Variants in NEB observed in about 807,000 individuals in gnomAD.
The protein encoded by NEB is nemaline myopathy type 2.
NEB carries 512 observed loss-of-function variants against 952.2 expected under a neutral mutation model. The ratio of observed to expected loss-of-function variants is 0.54; its 90% CI spans 0.50 to 0.58. NEB has a LOEUF of 0.58. NEB is among the 20% of genes least tolerant of loss of function. NEB has a pLI of 0.00. For synonymous variants in NEB, 2,900 were observed against 3,149.8 expected, an observed-to-expected ratio of 0.92 and a Z score of 2.66; for missense variants, 8,428 against 9,231.1, an observed-to-expected ratio of 0.91 and a Z score of 3.56.
Position 151,568,433 on chromosome 2 carries a change from T to TGA in NEB, c.17635-18_17635-17dup. On this transcript the variant is annotated splice_polypyrimidine_tract_variant and intron_variant, in intron 111 of 181. Coordinates refer to ENST00000397345, the MANE Select transcript of NEB (RefSeq NM_001164508.2). ...GGTATTTAATCTAAAAAAAAAAAAA[T>TGA]GAGAGGCAAGGGGGCAAGTTACTTG... 8.9e-7 allele frequency: 1 copy of TGA among 1,125,416 alleles called. No individual in the cohort carries two copies. The highest frequency in any genetic ancestry group is 1.3e-6 in the Non-Finnish European group (1 of 753,008). 69.7% of individuals were successfully genotyped at this position (1,125,416 alleles called of 1,614,324 possible).
In NEB at chr2:151,609,852, T is replaced by C; in HGVS notation, c.12287A>G (p.Asn4096Ser). The change falls in exon 81 of 182, where the codon AAC (asparagine) becomes AGC (serine). Residue 4096 changes from asparagine (N) to serine (S), a missense_variant. Coordinates refer to ENST00000397345, the MANE Select transcript of NEB (RefSeq NM_001164508.2). ...LHEWTCMPDQ[N>S]DIIQAKKAYD... Reference sequence around the variant, plus strand: ...GGCCTTTTTTGCTTGGATAATGTCGTTTTGATCCGGCATGCATGTCCATTC... The same window carrying C: ...GGCCTTTTTTGCTTGGATAATGTCGCTTTGATCCGGCATGCATGTCCATTC... The C allele has an allele frequency of 6.2e-7, 1 of 1,607,086 alleles. No individual in the cohort carries two copies. The highest frequency in any genetic ancestry group is 8.5e-7 in the Non-Finnish European group (1 of 1,175,026).
Position 151,541,440 on chromosome 2 carries a change from A to G in NEB, c.20682+7T>C. Reference sequence around the variant, plus strand: ...TGAGTGGCAGGCTTATGAACCTCTGAGCTTACCTGACTCTGAAGCTTCTGC... The same window carrying G: ...TGAGTGGCAGGCTTATGAACCTCTGGGCTTACCTGACTCTGAAGCTTCTGC... On this transcript the variant is annotated splice_region_variant and intron_variant, in intron 136 of 181. Coordinates refer to ENST00000397345, the MANE Select transcript of NEB (RefSeq NM_001164508.2). The G allele has an allele frequency of 6.2e-7, 1 of 1,607,562 alleles. No homozygotes were observed. The highest frequency in any genetic ancestry group is 1.1e-5 in the South Asian group (1 of 90,134).
chr2:151,665,195 G>A, intron 42 of NEB, 138 bp downstream of exon 42: 1 of 752,804 alleles, frequency 1.3e-6, no homozygotes, highest in Non-Finnish European at 2.2e-6. Context: ...CATAATGGAA[G>A]CAATAGAGTC....
chr2:151,578,423 G>C (rs1397219807), intron 105 of NEB, among the ~76,000 whole-genome samples: 2 of 151,526 alleles, frequency 1.3e-5, no homozygotes, highest in Non-Finnish European at 2.9e-5. Context: ...ACTTTGGGAG[G>C]CCAAGGCAGG....
Position 151,563,633 on chromosome 2 carries a change from AC to A in NEB, c.18665del (p.Cys6222PhefsTer7). 6.2e-7 allele frequency: 1 copy of A among 1,613,828 alleles called. No homozygotes were observed. Among genetic ancestry groups the A allele is most frequent in the Non-Finnish European group, 8.5e-7 (1 of 1,179,762 alleles). ...VIGEFPGVVH[C>X]LDFQKMRSAL... ...CACTCCTCATCTTTTGGAAATCCAG[AC>A]AGTGAACCACACCAGGGAATTCACC... On this transcript the variant is annotated frameshift_variant, in exon 119 of 182. Coordinates refer to ENST00000397345, the MANE Select transcript of NEB (RefSeq NM_001164508.2). LOFTEE classifies it high-confidence loss of function.
chr2:151,729,643 T>C lies in NEB; in HGVS notation c.50A>G (p.Glu17Gly). The C allele has an allele frequency of 6.2e-7, 1 of 1,613,354 alleles. No individual in the cohort carries two copies. The highest frequency in any genetic ancestry group is 2.2e-5 in the East Asian group (1 of 44,866). ...YEEVVEYYTE[E>G]VVYEEVPGET... The stretch of plus-strand genomic sequence containing the variant: ...TCCCGGCACCTCTTCGTAAACCACT[T>C]CTTCTGTGTAGTACTGTAAATAGAG... Residue 17 changes from glutamate to glycine, a missense_variant, in exon 4 of 182, where the codon GAA (glutamate) becomes GGA (glycine). Coordinates refer to ENST00000397345, the MANE Select transcript of NEB (RefSeq NM_001164508.2).
Position 151,524,309 on chromosome 2 carries a change from AC to A in NEB, c.22479+1del, listed in dbSNP as rs1488066635. On this transcript the variant is annotated splice_donor_variant, in intron 153 of 181. Coordinates refer to ENST00000397345, the MANE Select transcript of NEB (RefSeq NM_001164508.2). LOFTEE classifies it high-confidence loss of function. ...AGCCACCAGTGCACCCATCTGCATT[AC>A]CTGGCTGCTCAGCTTGGCTGCCTTC... 6.2e-7 allele frequency: 1 copy of A among 1,612,902 alleles called. No individual in the cohort carries two copies. The highest frequency in any genetic ancestry group is 1.7e-5 in the Admixed American group (1 of 59,992).
chr2:151,485,814 C>T lies in NEB; in HGVS notation c.25524G>A (p.Val8508=), dbSNP rs1574250751. Residue 8508 remains valine, a synonymous_variant, in exon 182 of 182, where the codon GTG becomes GTA. Coordinates refer to ENST00000397345, the MANE Select transcript of NEB (RefSeq NM_001164508.2). ...AIDEGWMYGT[V]QRTGRTGMLP... ...GCATTCCGGTCCTGCCAGTCCTCTGCACAGTGCCATACATCCAGCCTTCAT... is the reference window on the plus strand; with the variant it reads ...GCATTCCGGTCCTGCCAGTCCTCTGTACAGTGCCATACATCCAGCCTTCAT... The T allele has an allele frequency of 6.2e-7, 1 of 1,613,968 alleles. No homozygotes were observed. Among genetic ancestry groups the T allele is most frequent in the Admixed American group, 1.7e-5 (1 of 60,002 alleles).
At position 151,546,437 on chromosome 2, in the gene NEB, A is replaced by G; in HGVS notation, c.20374T>C (p.Tyr6792His). The G allele has an allele frequency of 6.2e-7, 1 of 1,608,968 alleles. No individual in the cohort carries two copies. Among genetic ancestry groups the G allele is most frequent in the Non-Finnish European group, 8.5e-7 (1 of 1,175,452 alleles). Residue 6792 changes from tyrosine (Y) to histidine (H), a missense_variant, in exon 134 of 182, where the codon TAC (tyrosine) becomes CAC (histidine). Tyr to His is a moderately conservative substitution (Grantham distance 83). This residue lies in a region of NEB where 3,374 missense variants were observed against 3,651.5 expected (regional missense o/e 0.92). Transcript: ENST00000397345. ...TTCAGGACCTGCAAGTCCTCTTTGT[A>G]TTTAATCTGAGAGGCAAACACAGAA... ...YVGDITSDIK[Y>H]KEDLQVLKGF...
intron 54 of NEB, among the ~76,000 whole-genome samples, chr2:151,648,888 G>C (rs2098996446): frequency 1.3e-5 from 2 of 152,202 alleles, no homozygotes; most frequent in South Asian, 2.1e-4. Context: ...TTCAGAAGGA[G>C]AGACTGCAAG....
intron 107 of NEB, among the ~76,000 whole-genome samples, chr2:151,573,015 G>A (rs2096697887): frequency 2.0e-5 from 3 of 152,104 alleles, no homozygotes; most frequent in African/African-American, 7.2e-5. Context: ...TCAATGTAGT[G>A]AGCATGAAGA....
intron 4 of NEB, among the ~76,000 whole-genome samples, chr2:151,728,678 G>T (rs1393753225): frequency 6.6e-6 from 1 of 151,972 alleles, no homozygotes; most frequent in Non-Finnish European, 1.5e-5. Flanking sequence ...CTAATCCAAG[G>T]TTAAAAATAA....
At position 151,485,755 on chromosome 2, in the gene NEB, A is replaced by C; in HGVS notation, c.*5T>G. ...CCTGCAGACAAGTGTGATGCTTTGA[A>C]ATGCCTAAATAGCTTCAACGTAGTT... On this transcript the variant is annotated 3_prime_UTR_variant, in exon 182 of 182. Coordinates refer to ENST00000397345, the MANE Select transcript of NEB (RefSeq NM_001164508.2). 6.2e-7 allele frequency: 1 copy of C among 1,600,656 alleles called. No homozygotes were observed. The highest frequency in any genetic ancestry group is 8.5e-7 in the Non-Finnish European group (1 of 1,170,144).
At chr2:151,540,517 A>T (rs1019317238) in intron 137 of NEB, 69 bp from the exon 138 acceptor site, 2 of 1,281,604 alleles carry the variant, frequency 1.6e-6, no homozygotes, top group Non-Finnish European at 2.2e-6. Context: ...AGCCACCTAC[A>T]GGTCTTGTGG....
At chr2:151,659,932 A>C (rs1447812042) in intron 46 of NEB, among the ~76,000 whole-genome samples, 4 of 152,174 alleles carry the variant, frequency 2.6e-5, no homozygotes, top group Non-Finnish European at 1.5e-5. Flanking sequence ...TGAATATTTA[A>C]CTTATGGCCT....
rs1355425394 is a variant in NEB, at chr2:151,727,705, C to A, written c.280G>T (p.Asp94Tyr). The change falls in exon 5 of 182, where the codon GAT becomes TAT. Residue 94 changes from aspartate to tyrosine, a missense_variant. This residue lies in a region of NEB where 2,851 missense variants were observed against 2,791.5 expected (regional missense o/e 1.02). Coordinates refer to ENST00000397345, the MANE Select transcript of NEB (RefSeq NM_001164508.2). Reference sequence around the variant, plus strand: ...TTGAAACTTACTGGGCTAAAAAGATCCTGCATTTTCTGACTGTGTGCAATG... The same window carrying A: ...TTGAAACTTACTGGGCTAAAAAGATACTGCATTTTCTGACTGTGTGCAATG... ...PYIAHSQKMQ[D>Y]LFSPNKYKEK... is the part of the protein sequence containing the mutation. 1 of 1,612,480 alleles carries A rather than the reference C, an allele frequency of 6.2e-7. No homozygotes were observed. The highest frequency in any genetic ancestry group is 8.5e-7 in the Non-Finnish European group (1 of 1,178,936).
Position 151,633,760 on chromosome 2 carries a change from G to T in NEB, c.9308C>A (p.Thr3103Asn). Residue 3103 changes from threonine (T) to asparagine (N), a missense_variant, in exon 65 of 182, where the codon ACC becomes AAC. By Grantham distance (65) the Thr-to-Asn change is moderately conservative (BLOSUM62 0). This residue lies in a region of NEB where 1,772 missense variants were observed against 1,960.3 expected (regional missense o/e 0.90). Transcript: ENST00000397345. The part of the protein sequence containing the change: ...LGVVLAKKCQ[T>N]LVSDVDYKNY... ...CTTATAGTCCACGTCACTGACTAAG[G>T]TCTGGCACTTCTTGGCCAGCACCAC... is the stretch of plus-strand genomic sequence containing the variant. 6.2e-7 allele frequency: 1 copy of T among 1,613,946 alleles called. No homozygotes were observed. The highest frequency in any genetic ancestry group is 1.1e-5 in the South Asian group (1 of 91,066).
At chr2:151,532,810 A>C (rs990927927) in intron 143 of NEB, among the ~76,000 whole-genome samples, 1 of 152,102 alleles carries the variant, frequency 6.6e-6, no homozygotes, top group Non-Finnish European at 1.5e-5. Flanking sequence ...GTTACCAATT[A>C]TCACTGTTTA....
intron 156 of NEB, among the ~76,000 whole-genome samples, chr2:151,517,856 G>A (rs1188167307): frequency 6.6e-6 from 1 of 152,200 alleles, no homozygotes; most frequent in African/African-American, 2.4e-5. Context: ...CATACAGGTG[G>A]TCTGCTGTTG....
Sources: allele counts gnomAD v4.1 joint callset (sites outside exome capture counted in the v4.1 genomes callset), GRCh38; gene constraint gnomAD v4.1.1; regional missense constraint gnomAD v4.1.1; transcripts MANE v1.5; gene names NCBI Gene and HGNC (gene_info 2026-07-23, HGNC 2026-07-21).